Variants in SMARCC1 observed in about 807,000 individuals in gnomAD.
SMARCC1 encodes the protein SWI/SNF complex subunit SMARCC1.
SMARCC1 carries 43 observed loss-of-function variants against 147.4 expected under a neutral mutation model. The observed-to-expected ratio is 0.29, with a 90% CI of 0.23 to 0.38. The LOEUF (loss-of-function observed/expected upper bound fraction) is 0.38, where lower values mean the gene tolerates loss of function less well. Ranked by LOEUF, SMARCC1 falls within the 10% of genes least tolerant of loss-of-function variation. The pLI, the probability that SMARCC1 is intolerant of heterozygous loss-of-function variation, is 1.00. For synonymous variants in SMARCC1, 495 were observed against 484.4 expected (o/e 1.02, Z -0.29); for missense variants, 1,119 against 1,381.1 (o/e 0.81, Z 3.01).
chr3:47,729,963 G>C (rs879536140), intron 5 of SMARCC1, among the ~76,000 whole-genome samples: 1 of 152,034 alleles, frequency 6.6e-6, no homozygotes, highest in African/African-American at 2.4e-5. Flanking sequence ...TGGATCATTT[G>C]AGGTCAGGAG....
chr3:47,774,812 CT>C (rs560858823), intron 1 of SMARCC1, among the ~76,000 whole-genome samples: 15 of 149,496 alleles, frequency 1.0e-4, no homozygotes, highest in East Asian at 7.8e-4. Flanking sequence ...GGACCATATA[CT>C]TTTTTTTTTC....
chr3:47,655,772 T>A (rs1481733890), intron 21 of SMARCC1, among the ~76,000 whole-genome samples: 1 of 152,094 alleles, frequency 6.6e-6, no homozygotes, highest in Non-Finnish European at 1.5e-5. Context: ...TATATAAATT[T>A]CATACCAGTG....
chr3:47,670,556 C>G, intron 19 of SMARCC1, 102 bp downstream of exon 19: 1 of 795,110 alleles, frequency 1.3e-6, no homozygotes. Flanking sequence ...TGCACTCCAG[C>G]CTGGGTGACA....
chr3:47,714,534 T>G (rs1029017538), intron 7 of SMARCC1, 44 bp from the exon 8 acceptor site: 1 of 950,730 alleles, frequency 1.1e-6, no homozygotes, highest in Admixed American at 2.3e-5. Flanking sequence ...GAGTCAAAGG[T>G]AATTCATTAG....
chr3:47,595,900 A>T (rs1018170641), intron 26 of SMARCC1, among the ~76,000 whole-genome samples: 4 of 151,692 alleles, frequency 2.6e-5, no homozygotes, highest in African/African-American at 9.7e-5. Context: ...ACGCCCAGCT[A>T]ATTTTTTTAT....
At chr3:47,625,016 C>A (rs959429280) in intron 24 of SMARCC1, among the ~76,000 whole-genome samples, 4 of 151,200 alleles carry the variant, frequency 2.6e-5, no homozygotes, top group African/African-American at 9.7e-5. Context: ...GGCGACAGAG[C>A]AAGATGCTTT....
chr3:47,652,998 G>C (rs1441575846), intron 21 of SMARCC1, among the ~76,000 whole-genome samples: 1 of 139,834 alleles, frequency 7.2e-6, no homozygotes, highest in African/African-American at 2.6e-5. Context: ...CGCCCAGGCC[G>C]GACTGCGGAC....
intron 6 of SMARCC1, 75 bp downstream of exon 6, chr3:47,728,950 T>C: frequency 2.2e-6 from 2 of 904,346 alleles, no homozygotes; most frequent in South Asian, 3.4e-5. Context: ...TCTGTTTAAG[T>C]CTTTGGGGGT....
chr3:47,636,014 C>G lies in SMARCC1; in HGVS notation c.2491+8G>C, dbSNP rs1189661784. On this transcript the variant is annotated splice_region_variant and intron_variant, in intron 23 of 27. Coordinates refer to ENST00000254480, the MANE Select transcript of SMARCC1 (RefSeq NM_003074.4). ...CATAATAATATCTAAGGAGTTTCCT[C>G]AAATTACCTGATTTGGTATCCTCAC... The G allele has an allele frequency of 7.2e-7, 1 of 1,394,554 alleles. No homozygotes were observed. The highest frequency in any genetic ancestry group is 1.4e-5 in the African/African-American group (1 of 69,918). 86.4% of individuals were successfully genotyped at this position (1,394,554 alleles called of 1,614,324 possible).
intron 8 of SMARCC1, among the ~76,000 whole-genome samples, chr3:47,712,770 T>C (rs543059515): frequency 6.6e-6 from 1 of 152,156 alleles, no homozygotes; most frequent in African/African-American, 2.4e-5. Context: ...AATACCTTCA[T>C]GTCAAAATAA....
intron 1 of SMARCC1, among the ~76,000 whole-genome samples, chr3:47,778,311 TGTTTC>T (rs1389488613): frequency 2.0e-5 from 3 of 151,068 alleles, no homozygotes; most frequent in Non-Finnish European, 2.9e-5. Context: ...TGTTTTGTTT[TGTTTC>T]GTTTTGTTTT....
intron 2 of SMARCC1, among the ~76,000 whole-genome samples, chr3:47,767,534 C>T (rs1350232070): frequency 2.4e-4 from 35 of 144,986 alleles, no homozygotes; most frequent in Non-Finnish European, 3.5e-4. Context: ...AGCCACCGCA[C>T]CCAGCCTCCA....
chr3:47,679,638 G>C (rs1033636298), intron 15 of SMARCC1, among the ~76,000 whole-genome samples: 4 of 152,142 alleles, frequency 2.6e-5, no homozygotes, highest in South Asian at 2.1e-4. Context: ...GAGGCAAGTG[G>C]ATCACTTGAG....
chr3:47,636,295 T>A (rs1486535165), intron 22 of SMARCC1, among the ~76,000 whole-genome samples, 159 bp from the exon 23 acceptor site: 1 of 152,210 alleles, frequency 6.6e-6, no homozygotes, highest in East Asian at 1.9e-4. Flanking sequence ...AAAGAACTAA[T>A]ACATTCCAAG....
chr3:47,623,933 G>C (rs1458658623), intron 24 of SMARCC1, among the ~76,000 whole-genome samples: 1 of 150,542 alleles, frequency 6.6e-6, no homozygotes, highest in Non-Finnish European at 1.5e-5. Flanking sequence ...GGGAGCGGTA[G>C]GTGGAAAGGG....
At chr3:47,624,550 C>T (rs2032779798) in intron 24 of SMARCC1, among the ~76,000 whole-genome samples, 1 of 152,100 alleles carries the variant, frequency 6.6e-6, no homozygotes, top group Admixed American at 6.5e-5. Flanking sequence ...CTAGAATTTC[C>T]TATATAGCAA....
At chr3:47,741,555 C>A (rs2034510535) in intron 3 of SMARCC1, among the ~76,000 whole-genome samples, 3 of 151,024 alleles carry the variant, frequency 2.0e-5, no homozygotes, top group African/African-American at 7.3e-5. Flanking sequence ...GCAAGAACAG[C>A]CTTTCTCTTT....
At chr3:47,630,039 C>A (rs1205120755) in intron 24 of SMARCC1, among the ~76,000 whole-genome samples, 3 of 151,484 alleles carry the variant, frequency 2.0e-5, no homozygotes, top group Non-Finnish European at 4.4e-5. Flanking sequence ...CTTTATAGAG[C>A]CTGAGAAGAA....
At chr3:47,755,718 C>T (rs1311566180) in intron 2 of SMARCC1, among the ~76,000 whole-genome samples, 1 of 151,252 alleles carries the variant, frequency 6.6e-6, no homozygotes. Context: ...ATAGGCCAGG[C>T]GCGGTGGCTC....
Sources: allele counts gnomAD v4.1 joint callset (sites outside exome capture counted in the v4.1 genomes callset), GRCh38; gene constraint gnomAD v4.1.1; transcripts MANE v1.5; gene names NCBI Gene and HGNC (gene_info 2026-07-23, HGNC 2026-07-21).